MTM1: variants seen among roughly 807,000 people sequenced by gnomAD.
MTM1 encodes myotubularin 1.
MTM1 carries 9 observed loss-of-function variants against 52.1 expected under a neutral mutation model. The observed-to-expected ratio is 0.17, with a 90% CI of 0.10 to 0.30. The LOEUF (loss-of-function observed/expected upper bound fraction) is 0.30. MTM1 is among the 10% of genes least tolerant of loss of function. The pLI is 1.00. For synonymous variants in MTM1, 136 were observed against 163.8 expected (o/e 0.83, Z 1.29); for missense variants, 277 against 470.7 (o/e 0.59, Z 3.81).
chrX:150,669,303 A>T (rs139363361), intron 14 of MTM1, among the ~76,000 whole-genome samples: 1 of 111,751 alleles, frequency 8.9e-6, no homozygotes, highest in Admixed American at 9.5e-5. Flanking sequence ...GGTTGGTTCT[A>T]TGTCTTTGCT....
At chrX:150,596,273 A>G (rs183071501) in intron 2 of MTM1, among the ~76,000 whole-genome samples, 1 of 112,421 alleles carries the variant, frequency 8.9e-6, no homozygotes, top group Non-Finnish European at 1.9e-5. Context: ...AATATTATTG[A>G]AAAGCATGCT....
chrX:150,616,573 A>C (rs1055804138), intron 5 of MTM1, among the ~76,000 whole-genome samples: 4 of 111,932 alleles, frequency 3.6e-5, no homozygotes, highest in South Asian at 3.7e-4. Flanking sequence ...TGGTAGATAC[A>C]AGTCCCAGAG....
chrX:150,566,327 G>A (rs781784096), upstream of MTM1, among the ~76,000 whole-genome samples: 3 of 111,098 alleles, frequency 2.7e-5, no homozygotes, highest in South Asian at 3.8e-4. Flanking sequence ...TAGTAGAGAC[G>A]GGGTTTCACC....
intron 1 of MTM1, among the ~76,000 whole-genome samples, chrX:150,583,384 A>AT (rs371002141): frequency 0.066 from 809 of 12,252 alleles, 218 homozygotes; most frequent in African/African-American, 0.44. Flanking sequence ...ATTATATATA[A>AT]TATAATATAT....
intron 10 of MTM1, among the ~76,000 whole-genome samples, chrX:150,656,791 C>A (rs1226352903): frequency 1.8e-5 from 2 of 111,747 alleles, no homozygotes. Flanking sequence ...AAAAAAACAA[C>A]CCCATCAACA....
chrX:150,665,963 T>C (rs222415), intron 14 of MTM1, among the ~76,000 whole-genome samples: 38,186 of 111,403 alleles, frequency 0.34, 7,249 homozygotes, highest in African/African-American at 0.74. Context: ...ACACTGGATG[T>C]ACTGAAATTT....
intron 1 of MTM1, among the ~76,000 whole-genome samples, chrX:150,591,881 G>A (rs1044223085): frequency 2.7e-5 from 3 of 112,566 alleles, no homozygotes; most frequent in African/African-American, 9.7e-5. Flanking sequence ...GTATCTATCT[G>A]TGTCCTAAAC....
rs1254805799 is a variant in MTM1, at chrX:150,600,562, CAG to C, written c.231+1878_231+1879del. Among the ~76,000 whole-genome samples the C allele has an allele frequency of 2.7e-5, 3 of 111,823 alleles. No homozygotes were observed. In the Admixed American group the frequency reaches 2.8e-4, roughly 11 times the overall value. On this transcript the variant is annotated intron_variant, in intron 4 of 14. Coordinates refer to ENST00000370396, the MANE Select transcript of MTM1 (RefSeq NM_000252.3). ...TAACAAACTGAAGAGAGTTCAGACA[CAG>C]ATAACCAGGTTAGTGAAGGGACTGC...
intron 4 of MTM1, among the ~76,000 whole-genome samples, chrX:150,601,017 A>G (rs1416959596): frequency 5.3e-5 from 6 of 112,253 alleles, no homozygotes; most frequent in Admixed American, 3.8e-4. Flanking sequence ...TATTTGGGCT[A>G]TCTGAAGAAA....
At chrX:150,611,432 C>T (rs2039274743) in intron 4 of MTM1, among the ~76,000 whole-genome samples, 2 of 112,007 alleles carry the variant, frequency 1.8e-5, no homozygotes, top group African/African-American at 6.5e-5. Context: ...GTTTTGTCCG[C>T]CTTAAGAGCT....
intron 10 of MTM1, among the ~76,000 whole-genome samples, chrX:150,656,596 T>C (rs1557414423): frequency 8.9e-6 from 1 of 112,361 alleles, no homozygotes; most frequent in East Asian, 2.8e-4. Context: ...AGATGCAGTT[T>C]GGCTTTTGGT....
At chrX:150,661,739 A>G (rs1159140789) in intron 13 of MTM1, among the ~76,000 whole-genome samples, 7 of 111,681 alleles carry the variant, frequency 6.3e-5, no homozygotes, top group East Asian at 2.8e-4. Context: ...ACTTGAACCT[A>G]TAGTAACAGA....
In MTM1 at chrX:150,641,254, T is replaced by C. The variant is rs782218929; in HGVS notation, c.529-15T>C. Reference sequence around the variant, plus strand: ...GTCAAGCAATACTGACTTGAATTTCTTTTTTTCCTCACAGGGCTTGCCCAA... The same window carrying C: ...GTCAAGCAATACTGACTTGAATTTCCTTTTTTCCTCACAGGGCTTGCCCAA... On this transcript the variant is annotated splice_polypyrimidine_tract_variant and intron_variant, in intron 7 of 14. Coordinates refer to ENST00000370396, the MANE Select transcript of MTM1 (RefSeq NM_000252.3). 2.5e-6 allele frequency: 3 copies of C among 1,207,921 alleles called. No homozygotes were observed. Among genetic ancestry groups the C allele is most frequent in the African/African-American group, 3.5e-5 (2 of 57,074 alleles).
rs1029307487 is a variant in MTM1, at chrX:150,572,848, G to A, written c.-11+4186G>A. 3.5e-5 allele frequency among the ~76,000 whole-genome samples: 4 copies of A among 112,862 alleles called. No homozygotes were observed. In the East Asian group the frequency reaches 8.3e-4, roughly 23 times the overall value. ...CCTGAGTGATAGGGCAGGCGCCTGA[G>A]CGGCCTTTTCTCGTTAAAGTTGTTT... On this transcript the variant is annotated intron_variant, in intron 1 of 14. Transcript: ENST00000370396.
chrX:150,639,056 G>GTGA (rs2039804426), intron 7 of MTM1, 30 bp downstream of exon 7: 3 of 1,052,437 alleles, frequency 2.9e-6, no homozygotes, highest in Non-Finnish European at 4.0e-6. Flanking sequence ...TGTCTGGTAT[G>GTGA]TGATGAACCT....
chrX:150,656,838 A>G (rs1038257567), intron 10 of MTM1, among the ~76,000 whole-genome samples: 1 of 112,377 alleles, frequency 8.9e-6, no homozygotes, highest in Non-Finnish European at 1.9e-5. Flanking sequence ...TTCTCAAAAG[A>G]AGACATTTAC....
At chrX:150,584,699 GTA>G (rs1286871561) in intron 1 of MTM1, among the ~76,000 whole-genome samples, 1 of 110,981 alleles carries the variant, frequency 9.0e-6, no homozygotes, top group East Asian at 2.8e-4. Context: ...TCGTCCCTTG[GTA>G]TTTGCGGGAA....
intron 10 of MTM1, among the ~76,000 whole-genome samples, chrX:150,656,167 G>A (rs1314976171): frequency 9.0e-6 from 1 of 110,601 alleles, no homozygotes; most frequent in African/African-American, 3.3e-5. Context: ...TTGAATTTTT[G>A]TCCTGCAAAA....
At chrX:150,616,921 TA>T (rs1337988417) in intron 5 of MTM1, among the ~76,000 whole-genome samples, 1 of 111,604 alleles carries the variant, frequency 9.0e-6, no homozygotes, top group Non-Finnish European at 1.9e-5. Flanking sequence ...ACCCGGCTGT[TA>T]AAAAGGCTGA....
Sources: gnomAD v4.1 joint callset for allele counts (sites outside exome capture counted in the v4.1 genomes callset) on GRCh38, gnomAD v4.1.1 for gene constraint, MANE v1.5 for transcripts, NCBI Gene and HGNC (gene_info 2026-07-23, HGNC 2026-07-21) for gene names.